The following NXPE3 variants were observed in gnomAD, a reference collection of about 807,000 sequenced individuals.
NXPE3 encodes the protein neurexophilin and PC-esterase domain family member 3.
A neutral mutation model predicts 46.1 loss-of-function variants in NXPE3; 26 were observed. That is an observed-to-expected ratio of 0.56 (90% CI 0.41 to 0.78). NXPE3 has a LOEUF of 0.78. Ranked by LOEUF, NXPE3 falls within the 30% of genes least tolerant of loss-of-function variation. The probability of loss-of-function intolerance (pLI) is 0.00; values close to 1 mark genes in which losing one functional copy is unlikely to be tolerated. For missense variants in NXPE3, 620 were observed against 686.0 expected (o/e 0.90, Z 1.07); for synonymous variants, 272 against 257.9 (o/e 1.05, Z -0.52).
At chr3:101,783,475 C>A (rs2107233394) in intron 3 of NXPE3, among the ~76,000 whole-genome samples, 3 of 152,356 alleles carry the variant, frequency 2.0e-5, no homozygotes, top group Admixed American at 2.0e-4. Context: ...AGAGTCAGGT[C>A]TTTTCCTGGC....
chr3:101,801,344 A>G lies in NXPE3; in HGVS notation c.203A>G (p.Gln68Arg), dbSNP rs931496600. 5 of 1,614,232 alleles carry G rather than the reference A, an allele frequency of 3.1e-6. No homozygotes were observed. Among genetic ancestry groups the G allele is most frequent in the Non-Finnish European group, 4.2e-6 (5 of 1,180,048 alleles). Residue 68 changes from glutamine (Q) to arginine (R), a missense_variant, in exon 5 of 8, where the codon CAG (glutamine) becomes CGG (arginine). This residue lies in a region of NXPE3 where 511 missense variants were observed against 528.6 expected (regional missense o/e 0.97). Transcript: ENST00000273347. ...AATCCCTACTGTGGCTATGATCAGCAGACCCTGTCCAGCCAGGAGCGCATG... is the reference window on the plus strand; with the variant it reads ...AATCCCTACTGTGGCTATGATCAGCGGACCCTGTCCAGCCAGGAGCGCATG... ...SRNPYCGYDQ[Q>R]TLSSQERMEE...
At chr3:101,812,609 G>A (rs969322787) in intron 6 of NXPE3, among the ~76,000 whole-genome samples, 3 of 151,854 alleles carry the variant, frequency 2.0e-5, no homozygotes, top group African/African-American at 7.3e-5. Context: ...GTCAGGAGAT[G>A]AGACCATTCT....
rs1942293701 is a variant in NXPE3, at chr3:101,822,292, G to C, written c.*338G>C. On this transcript the variant is annotated 3_prime_UTR_variant, in exon 8 of 8. Transcript: ENST00000273347. ...TGCTAAAGAGTATGAAAAATGTTTT[G>C]ATGGAAGGGACAAGTTTGGTTGGTA... The C allele has an allele frequency of 4.5e-6, 1 of 223,608 alleles. No individual in the cohort carries two copies. The highest frequency in any genetic ancestry group is 5.0e-5 in the Admixed American group (1 of 19,880). 13.9% of individuals were successfully genotyped at this position (223,608 alleles called of 1,614,324 possible).
At chr3:101,797,331 G>A (rs958773395) in intron 4 of NXPE3, among the ~76,000 whole-genome samples, 1 of 152,074 alleles carries the variant, frequency 6.6e-6, no homozygotes, top group African/African-American at 2.4e-5. Flanking sequence ...TAAGAACACA[G>A]GTCTTAATTC....
chr3:101,793,708 C>G (rs563117128), intron 4 of NXPE3, among the ~76,000 whole-genome samples: 4 of 121,244 alleles, frequency 3.3e-5, no homozygotes, highest in Non-Finnish European at 6.7e-5. Flanking sequence ...TGTATAAACT[C>G]AGGTTATTGT....
intron 3 of NXPE3, among the ~76,000 whole-genome samples, chr3:101,783,984 A>G (rs1324240045): frequency 6.6e-6 from 1 of 152,188 alleles, no homozygotes; most frequent in Non-Finnish European, 1.5e-5. Flanking sequence ...GGTGGCCAGG[A>G]CTGGTGGATT....
Position 101,807,065 on chromosome 3 carries a change from C to T in NXPE3, c.861C>T (p.Ile287=), listed in dbSNP as rs1342714059. 3 of 1,612,618 alleles carry T rather than the reference C, an allele frequency of 1.9e-6. No homozygotes were observed. The highest frequency in any genetic ancestry group is 3.3e-5 in the Admixed American group (2 of 60,000). ...ATTCCTCTTAAAGTGGTGTCAATAT[C>T]AAAATGCCAGTCAACTCCAGTGGAC... ...ESAFFQSGVN[I]KMPVNSSGPD... is the part of the protein sequence containing the mutation. The change falls in exon 6 of 8, where the codon ATC becomes ATT. Residue 287 remains isoleucine (I), a synonymous_variant. Coordinates refer to ENST00000273347, the MANE Select transcript of NXPE3 (RefSeq NM_145037.4).
chr3:101,793,052 T>G (rs1244168138), intron 4 of NXPE3, among the ~76,000 whole-genome samples: 1 of 152,208 alleles, frequency 6.6e-6, no homozygotes, highest in Non-Finnish European at 1.5e-5. Flanking sequence ...CCTTTCTGAT[T>G]TGGCTCTCAG....
At position 101,815,020 on chromosome 3, in the gene NXPE3, C is replaced by T. The variant is rs1309693209; in HGVS notation, c.923-1775C>T. Among the ~76,000 whole-genome samples the T allele has an allele frequency of 2.0e-5, 3 of 152,144 alleles. No individual in the cohort carries two copies. In the East Asian group the frequency reaches 5.8e-4, roughly 29 times the overall value. On this transcript the variant is annotated intron_variant, in intron 6 of 7. Transcript: ENST00000273347. Reference sequence around the variant, plus strand: ...GTTACTGTGAGCATATGAGATAATACGTTTGCTCAGAATAGTGTCTGAGGC... The same window carrying T: ...GTTACTGTGAGCATATGAGATAATATGTTTGCTCAGAATAGTGTCTGAGGC...
chr3:101,800,747 A>G (rs1349709782), intron 4 of NXPE3, among the ~76,000 whole-genome samples: 1 of 151,462 alleles, frequency 6.6e-6, no homozygotes, highest in East Asian at 1.9e-4. Context: ...TTATGTAATG[A>G]CCCTCTTTAT....
rs1450760162 is a variant in NXPE3 at position 101,825,023 on chromosome 3, T to G, written c.*3069T>G. Reference sequence around the variant, plus strand: ...ATTTTTTTTTTAACAACTTTTAAGTTCAGGGGTACATGTGCCAGTTTGTTT... The same window carrying G: ...ATTTTTTTTTTAACAACTTTTAAGTGCAGGGGTACATGTGCCAGTTTGTTT... On this transcript the variant is annotated 3_prime_UTR_variant, in exon 8 of 8. Coordinates refer to ENST00000273347, the MANE Select transcript of NXPE3 (RefSeq NM_145037.4). The G allele has an allele frequency of 6.6e-6, 1 of 152,224 alleles. No individual in the cohort carries two copies. Among genetic ancestry groups the G allele is most frequent in the Non-Finnish European group, 1.5e-5 (1 of 68,042 alleles). 9.4% of individuals were successfully genotyped at this position (152,224 alleles called of 1,614,324 possible). A position where few individuals can be genotyped will look rare whatever the true frequency, so the allele number is the denominator to read the frequency against.
At chr3:101,815,823 C>G (rs928967987) in intron 6 of NXPE3, among the ~76,000 whole-genome samples, 2 of 152,116 alleles carry the variant, frequency 1.3e-5, no homozygotes, top group African/African-American at 4.8e-5. Flanking sequence ...TGATGAAACC[C>G]TATCTCTACT....
chr3:101,822,158 C>T lies in NXPE3; in HGVS notation c.*204C>T. 136 of 540,130 alleles carry T rather than the reference C, an allele frequency of 2.5e-4. No homozygotes were observed. The highest frequency in any genetic ancestry group is 1.1e-3 in the South Asian group (38 of 35,524). 33.5% of individuals were successfully genotyped at this position (540,130 alleles called of 1,614,324 possible). On this transcript the variant is annotated 3_prime_UTR_variant, in exon 8 of 8. Coordinates refer to ENST00000273347, the MANE Select transcript of NXPE3 (RefSeq NM_145037.4). ...CCTATAGGATTTTATCCAATGTTGA[C>T]TTAGCCATGGTAGAACTCTTAACTG... is the stretch of plus-strand genomic sequence containing the variant.
intron 6 of NXPE3, among the ~76,000 whole-genome samples, chr3:101,808,209 A>G (rs1000860077): frequency 1.3e-5 from 2 of 152,238 alleles, no homozygotes; most frequent in African/African-American, 2.4e-5. Context: ...AACAAAATTC[A>G]GAGCAGTAAA....
intron 5 of NXPE3, 150 bp downstream of exon 5, chr3:101,802,139 C>A: frequency 1.5e-6 from 1 of 651,448 alleles, no homozygotes; most frequent in Non-Finnish European, 2.5e-6. Flanking sequence ...AAAAAAAAAA[C>A]ATAGATTTGT....
chr3:101,799,946 T>C (rs1433930926), intron 4 of NXPE3, among the ~76,000 whole-genome samples: 1 of 152,160 alleles, frequency 6.6e-6, no homozygotes, highest in Admixed American at 6.5e-5. Context: ...ATTTGTGTCC[T>C]CCCTCTTTTT....
In NXPE3 at chr3:101,828,079, C is replaced by T. The variant is rs190374835; in HGVS notation, c.*6125C>T. On this transcript the variant is annotated 3_prime_UTR_variant, in exon 8 of 8. Transcript: ENST00000273347. ...CATGTAACCTCAAAAGGAAACTGAT[C>T]GTCTTTCTCATGCTGTCACGTACTT... The T allele has an allele frequency of 2.3e-4, 35 of 152,260 alleles. No homozygotes were observed. Among genetic ancestry groups the T allele is most frequent in the Admixed American group, 2.2e-3 (33 of 15,294 alleles). 9.4% of individuals were successfully genotyped at this position (152,260 alleles called of 1,614,324 possible).
Position 101,801,742 on chromosome 3 carries a change from C to G in NXPE3, c.601C>G (p.Gln201Glu), listed in dbSNP as rs367754464. Residue 201 changes from glutamine to glutamate, a missense_variant, in exon 5 of 8, where the codon CAG (glutamine) becomes GAG (glutamate). This residue lies in a region of NXPE3 where 511 missense variants were observed against 528.6 expected (regional missense o/e 0.97). Coordinates refer to ENST00000273347, the MANE Select transcript of NXPE3 (RefSeq NM_145037.4). ...SEGIRVLQRL[Q>E]EDKPDRVYFK... is the part of the protein sequence containing the mutation. ...AGGGATCAGAGTTCTTCAGCGCTTA[C>G]AGGAAGATAAACCAGACAGGGTCTA... The G allele has an allele frequency of 6.2e-7, 1 of 1,614,100 alleles. No individual in the cohort carries two copies. The highest frequency in any genetic ancestry group is 1.3e-5 in the African/African-American group (1 of 74,936).
chr3:101,780,947 T>C (rs1205032862), intron 1 of NXPE3, among the ~76,000 whole-genome samples: 1 of 152,228 alleles, frequency 6.6e-6, no homozygotes, highest in African/African-American at 2.4e-5. Context: ...TTTTCAAGGA[T>C]TGACCCTATT....
Sources: allele counts gnomAD v4.1 joint callset (sites outside exome capture counted in the v4.1 genomes callset), GRCh38; gene constraint gnomAD v4.1.1; regional missense constraint gnomAD v4.1.1; transcripts MANE v1.5; gene names NCBI Gene and HGNC (gene_info 2026-07-23, HGNC 2026-07-21).